The following CACNA1B variants were observed in gnomAD, a reference collection of about 807,000 sequenced individuals.
CACNA1B encodes the protein voltage-dependent N-type calcium channel subunit alpha-1B.
CACNA1B carries 70 observed loss-of-function variants against 247.2 expected under a neutral mutation model. That is an observed-to-expected ratio of 0.28 (90% CI 0.23 to 0.35). The LOEUF (loss-of-function observed/expected upper bound fraction) is 0.35. Ranked by LOEUF, CACNA1B falls within the 10% of genes least tolerant of loss-of-function variation. The pLI is 1.00. For synonymous variants in CACNA1B, 1,231 were observed against 1,294.4 expected, an observed-to-expected ratio of 0.95 and a Z score of 1.05; for missense variants, 2,367 against 3,197.4, an observed-to-expected ratio of 0.74 and a Z score of 6.26.
Position 137,971,280 on chromosome 9 carries a change from G to A in CACNA1B, c.1334-103G>A, listed in dbSNP as rs1564214040. Reference sequence around the variant, plus strand: ...GCACAATTGTCTGTGACCGGCTGGGGCTGGGGGCAGGTGTCCTCCAGAGTG... The same window carrying A: ...GCACAATTGTCTGTGACCGGCTGGGACTGGGGGCAGGTGTCCTCCAGAGTG... On this transcript the variant is annotated intron_variant, in intron 10 of 46. Transcript: ENST00000371372. The surrounding 1 kb of genome is among the most constrained non-coding windows in gnomAD (Gnocchi z 4.4). The A allele has an allele frequency of 1.3e-6, 1 of 762,160 alleles. No individual in the cohort carries two copies. The highest frequency in any genetic ancestry group is 1.7e-5 in the South Asian group (1 of 59,870). 47.2% of individuals were successfully genotyped at this position (762,160 alleles called of 1,614,324 possible). A position where few individuals can be genotyped will look rare whatever the true frequency, so the allele number is the denominator to read the frequency against.
Position 138,012,946 on chromosome 9 carries a change from C to G in CACNA1B, c.2161-183C>G, listed in dbSNP as rs1589067826. On this transcript the variant is annotated intron_variant, in intron 17 of 46. Coordinates refer to ENST00000371372, the MANE Select transcript of CACNA1B (RefSeq NM_000718.4). This position sits in a 1 kb window ranked among gnomAD's most constrained non-coding sequence, Gnocchi z 4.2. ...GCCCTGGAGAGCACCAGAGACAGCT[C>G]CTGTGGAACAGGTCGTGGGGGGCCA... Among the ~76,000 whole-genome samples the G allele has an allele frequency of 6.6e-6, 1 of 152,140 alleles. No homozygotes were observed. The highest frequency in any genetic ancestry group is 1.9e-4 in the East Asian group (1 of 5,134).
At position 138,058,002 on chromosome 9, in the gene CACNA1B, T is replaced by C. The variant is rs1435415571; in HGVS notation, c.4107-47T>C. On this transcript the variant is annotated intron_variant, in intron 27 of 46. Transcript: ENST00000371372. The surrounding 1 kb of genome is among the most constrained non-coding windows in gnomAD (Gnocchi z 4.7). ...GGTGCAGGTCTTGAGTTCTTAGGGC[T>C]GTCTCCTTTGGGGGTTCCCCTGACA... 6.3e-7 allele frequency: 1 copy of C among 1,577,994 alleles called. No homozygotes were observed. Among genetic ancestry groups the C allele is most frequent in the Non-Finnish European group, 8.7e-7 (1 of 1,147,274 alleles).
intron 12 of CACNA1B, among the ~76,000 whole-genome samples, chr9:137,978,724 A>G (rs1294271389): frequency 1.3e-5 from 2 of 152,188 alleles, no homozygotes; most frequent in Non-Finnish European, 2.9e-5. Flanking sequence ...ATTTTGTTGA[A>G]TCCTCACAAG....
In CACNA1B at chr9:137,974,520, T is replaced by C. The variant is rs566787467; in HGVS notation, c.1544-1387T>C. 6.6e-6 allele frequency among the ~76,000 whole-genome samples: 1 copy of C among 152,180 alleles called. No individual in the cohort carries two copies. Among genetic ancestry groups the C allele is most frequent in the South Asian group, 2.1e-4 (1 of 4,820 alleles). On this transcript the variant is annotated intron_variant, in intron 11 of 46. Coordinates refer to ENST00000371372, the MANE Select transcript of CACNA1B (RefSeq NM_000718.4). This position sits in a 1 kb window ranked among gnomAD's most constrained non-coding sequence, Gnocchi z 4.5. ...CCTGTCTGTTTGTACGGTGCCTGAG[T>C]GGTCTGTGAAGTTGTCATCTCTGCT...
At chr9:137,979,908 G>C (rs150539993) in intron 12 of CACNA1B, among the ~76,000 whole-genome samples, 19 of 152,308 alleles carry the variant, frequency 1.2e-4, no homozygotes, top group Non-Finnish European at 2.2e-4. Context: ...GCTCAGCAAG[G>C]GGACACCAGG....
chr9:138,022,443 G>A (rs1438643612), intron 18 of CACNA1B, among the ~76,000 whole-genome samples: 1 of 152,134 alleles, frequency 6.6e-6, no homozygotes, highest in African/African-American at 2.4e-5. Flanking sequence ...ACTGCCCTCT[G>A]GGTTCCCTGG....
At position 138,121,554 on chromosome 9, in the gene CACNA1B, A is replaced by G. The variant is rs1374687381; in HGVS notation, c.6575A>G (p.Gln2192Arg). 1 of 1,600,516 alleles carries G rather than the reference A, an allele frequency of 6.2e-7. No homozygotes were observed. The highest frequency in any genetic ancestry group is 8.5e-7 in the Non-Finnish European group (1 of 1,171,920). ...CGCGGTGGGCGGAGGCAGCTCCCCC[A>G]GACGCCCCTGACTCCCCGCCCCAGC... ...PGRGGRRQLP[Q>R]TPLTPRPSIT... is the part of the protein sequence containing the mutation. The change falls in exon 47 of 47, where the codon CAG (glutamine) becomes CGG (arginine). Residue 2192 changes from glutamine (Q) to arginine (R), a missense_variant. Around this residue, in one of 12 missense-constraint regions of CACNA1B, gnomAD observed 773 missense variants for 779.4 expected, o/e 0.99. Transcript: ENST00000371372. This position sits in a 1 kb window ranked among gnomAD's most constrained non-coding sequence, Gnocchi z 6.8.
chr9:138,079,433 C>A (rs949688376), intron 36 of CACNA1B, among the ~76,000 whole-genome samples: 1 of 152,060 alleles, frequency 6.6e-6, no homozygotes, highest in African/African-American at 2.4e-5. Context: ...GAAGGTGATG[C>A]AAGATGATGA....
At chr9:137,982,405 C>G (rs1185055374) in intron 12 of CACNA1B, among the ~76,000 whole-genome samples, 1 of 152,198 alleles carries the variant, frequency 6.6e-6, no homozygotes, top group Non-Finnish European at 1.5e-5. Context: ...TTAAGAGTTC[C>G]CAAGACAGAA....
At chr9:137,892,640 G>C in intron 3 of CACNA1B, 1 of 343,454 alleles carries the variant, frequency 2.9e-6, no homozygotes, top group Admixed American at 4.0e-5. Flanking sequence ...TGAGACTGCA[G>C]GCAGGAGGGA....
intron 40 of CACNA1B, among the ~76,000 whole-genome samples, chr9:138,112,769 G>T (rs1325497245): frequency 6.6e-6 from 1 of 152,256 alleles, no homozygotes; most frequent in Admixed American, 6.5e-5. Flanking sequence ...GGCAAGAGGG[G>T]ATCCCACAGG....
chr9:137,953,730 G>T (rs1288230038), intron 7 of CACNA1B, among the ~76,000 whole-genome samples: 4 of 152,172 alleles, frequency 2.6e-5, no homozygotes, highest in African/African-American at 9.7e-5. Context: ...AGAACAGCTG[G>T]GGTGGAGGCA....
chr9:138,058,551 TC>T lies in CACNA1B; in HGVS notation c.4309-16del. On this transcript the variant is annotated splice_polypyrimidine_tract_variant and intron_variant, in intron 28 of 46. Coordinates refer to ENST00000371372, the MANE Select transcript of CACNA1B (RefSeq NM_000718.4). This position sits in a 1 kb window ranked among gnomAD's most constrained non-coding sequence, Gnocchi z 4.7. ...GTTTTCTGCTTCTGAGTCTCTGTGC[TC>T]CTTTCTCCCCTTACAGAGGGCTTGC... 6.3e-7 allele frequency: 1 copy of T among 1,598,256 alleles called. No individual in the cohort carries two copies. Among genetic ancestry groups the T allele is most frequent in the Non-Finnish European group, 8.5e-7 (1 of 1,173,516 alleles).
chr9:138,103,598 T>A (rs941516591), intron 38 of CACNA1B, among the ~76,000 whole-genome samples: 1 of 152,126 alleles, frequency 6.6e-6, no homozygotes, highest in Non-Finnish European at 1.5e-5. Flanking sequence ...TCTGCCCAGC[T>A]GTCCCCAGTC....
At chr9:137,951,781 C>T (rs1316382055) in intron 6 of CACNA1B, among the ~76,000 whole-genome samples, 2 of 152,180 alleles carry the variant, frequency 1.3e-5, no homozygotes, top group Non-Finnish European at 2.9e-5. Flanking sequence ...ACTGAAAATG[C>T]AGATGGGCCC....
rs142231200 is a variant in CACNA1B at position 138,113,368 on chromosome 9, G to A, written c.5536+863G>A. On this transcript the variant is annotated intron_variant, in intron 40 of 46. Coordinates refer to ENST00000371372, the MANE Select transcript of CACNA1B (RefSeq NM_000718.4). ...TGCCCAACTCCAACTTGTGAGAGACGTGAGGGAGCACGGGGAGGTGCCCAA... is the reference window on the plus strand; with the variant it reads ...TGCCCAACTCCAACTTGTGAGAGACATGAGGGAGCACGGGGAGGTGCCCAA... Among the ~76,000 whole-genome samples the A allele has an allele frequency of 5.7e-3, 859 of 150,108 alleles. 5 individuals are homozygous for A. Among genetic ancestry groups the A allele is most frequent in the African/African-American group, 0.02 (809 of 40,506 alleles).
chr9:138,078,087 G>A (rs763907440), intron 35 of CACNA1B, 27 bp from the exon 36 acceptor site: 1 of 1,609,982 alleles, frequency 6.2e-7, no homozygotes, highest in African/African-American at 1.3e-5. Flanking sequence ...GCCTCTGTGG[G>A]CCTCACAACT....
intron 6 of CACNA1B, among the ~76,000 whole-genome samples, chr9:137,933,162 TG>T: frequency 6.6e-6 from 1 of 152,248 alleles, no homozygotes; most frequent in South Asian, 2.1e-4. Flanking sequence ...TCAAATCTTC[TG>T]ACCTCATGAT....
At chr9:137,906,554 C>G (rs1957301293) in intron 3 of CACNA1B, among the ~76,000 whole-genome samples, 1 of 152,024 alleles carries the variant, frequency 6.6e-6, no homozygotes, top group African/African-American at 2.4e-5. Flanking sequence ...TCTCTGCATC[C>G]CCGTGTGATG....
Sources: gnomAD v4.1 joint callset for allele counts (sites outside exome capture counted in the v4.1 genomes callset) on GRCh38, gnomAD v4.1.1 for gene constraint, gnomAD v4.1.1 regional missense constraint, Gnocchi (gnomAD v3.1) non-coding constraint, MANE v1.5 for transcripts, NCBI Gene and HGNC (gene_info 2026-07-23, HGNC 2026-07-21) for gene names.